The following KCNT2 variants were observed in gnomAD, a reference collection of about 807,000 sequenced individuals.
KCNT2 encodes potassium sodium-activated channel subfamily T member 2, also known as potassium channel subfamily T member 2.
Under a neutral mutation model 153.8 loss-of-function variants are expected in KCNT2, and 67 were observed. That is an observed-to-expected ratio of 0.44 (90% CI 0.36 to 0.53). The LOEUF (loss-of-function observed/expected upper bound fraction) is 0.53, where lower values mean the gene tolerates loss of function less well. KCNT2 is among the 20% of genes least tolerant of loss of function. The pLI, the probability that KCNT2 is intolerant of heterozygous loss-of-function variation, is 0.00. For synonymous variants in KCNT2, 500 were observed against 458.8 expected (o/e 1.09, Z -1.15); for missense variants, 975 against 1,354.8 (o/e 0.72, Z 4.40).
intron 21 of KCNT2, among the ~76,000 whole-genome samples, chr1:196,307,118 A>G (rs973986222): frequency 2.0e-5 from 3 of 152,100 alleles, no homozygotes; most frequent in Admixed American, 6.6e-5. Flanking sequence ...AACTTTTTCA[A>G]TAGTTCTGTG....
Position 196,461,697 on chromosome 1 carries a change from G to A in KCNT2, c.638+3596C>T, listed in dbSNP as rs1677167054. Reference sequence around the variant, plus strand: ...ATCACAATTCCCAGCTGTCTTGGAAGTGTGTATTATTGATGAAGAGGGGTA... The same window carrying A: ...ATCACAATTCCCAGCTGTCTTGGAAATGTGTATTATTGATGAAGAGGGGTA... On this transcript the variant is annotated intron_variant, in intron 8 of 27. Transcript: ENST00000294725. 5.9e-5 allele frequency among the ~76,000 whole-genome samples: 9 copies of A among 151,690 alleles called. No homozygotes were observed. The Admixed American group carries it at 5.9e-4, about 10-fold the overall frequency.
At chr1:196,354,180 C>T (rs1343664716) in intron 14 of KCNT2, among the ~76,000 whole-genome samples, 1 of 151,556 alleles carries the variant, frequency 6.6e-6, no homozygotes, top group Non-Finnish European at 1.5e-5. Context: ...AAAGAAAAGC[C>T]TTGGTGTTAT....
At chr1:196,481,449 A>G (rs1679016336) in intron 4 of KCNT2, among the ~76,000 whole-genome samples, 1 of 152,348 alleles carries the variant, frequency 6.6e-6, no homozygotes, top group Admixed American at 6.5e-5. Context: ...CTTGTACCCC[A>G]TAAATGTATA....
chr1:196,592,919 A>T (rs1454328649), intron 1 of KCNT2, among the ~76,000 whole-genome samples: 1 of 150,306 alleles, frequency 6.7e-6, no homozygotes, highest in East Asian at 1.9e-4. Flanking sequence ...AAATTAATTT[A>T]ATAAAATAAT....
At chr1:196,262,634 A>C (rs1439943217) in intron 25 of KCNT2, among the ~76,000 whole-genome samples, 1 of 151,832 alleles carries the variant, frequency 6.6e-6, no homozygotes, top group Non-Finnish European at 1.5e-5. Context: ...TTTTTATTTA[A>C]AAAAAAATCT....
At chr1:196,464,813 T>C (rs533621759) in intron 8 of KCNT2, among the ~76,000 whole-genome samples, 1 of 152,114 alleles carries the variant, frequency 6.6e-6, no homozygotes, top group Non-Finnish European at 1.5e-5. Context: ...AAGTGCCAGG[T>C]CTTGCCTTGC....
intron 8 of KCNT2, among the ~76,000 whole-genome samples, chr1:196,456,045 T>G (rs1676642005): frequency 6.6e-6 from 1 of 152,012 alleles, no homozygotes; most frequent in Non-Finnish European, 1.5e-5. Context: ...TCTAGTAACT[T>G]TATTCTAGTC....
intron 1 of KCNT2, among the ~76,000 whole-genome samples, chr1:196,503,133 T>C (rs2335903): frequency 0.99 from 150,720 of 151,900 alleles, 74,785 homozygotes; most frequent in Middle Eastern, 1. Flanking sequence ...GTAAGGATTA[T>C]GTATCCTTAC....
chr1:196,364,223 T>C (rs1003255857), intron 14 of KCNT2, among the ~76,000 whole-genome samples: 1 of 152,202 alleles, frequency 6.6e-6, no homozygotes, highest in Non-Finnish European at 1.5e-5. Flanking sequence ...GGAAAGCGTA[T>C]GTGTGAACTC....
At chr1:196,246,461 C>T (rs867486012) in intron 26 of KCNT2, among the ~76,000 whole-genome samples, 1 of 152,068 alleles carries the variant, frequency 6.6e-6, no homozygotes, top group East Asian at 1.9e-4. Context: ...AGTAAATACA[C>T]ACACAAAAAT....
At chr1:196,472,698 CT>C (rs1436835016) in intron 5 of KCNT2, among the ~76,000 whole-genome samples, 1 of 152,138 alleles carries the variant, frequency 6.6e-6, no homozygotes, top group Non-Finnish European at 1.5e-5. Flanking sequence ...CTTGGAGAAA[CT>C]TTTTACATTT....
chr1:196,382,260 G>A (rs574341733), intron 13 of KCNT2, among the ~76,000 whole-genome samples: 16 of 140,732 alleles, frequency 1.1e-4, no homozygotes, highest in Admixed American at 9.6e-4. Flanking sequence ...CACCACACCC[G>A]GCTATTTTTT....
At chr1:196,360,796 G>GA (rs1667552779) in intron 14 of KCNT2, among the ~76,000 whole-genome samples, 1 of 151,958 alleles carries the variant, frequency 6.6e-6, no homozygotes, top group South Asian at 2.1e-4. Flanking sequence ...CAGAACTGTG[G>GA]AAAAAATAAA....
At chr1:196,252,479 T>A (rs1456646279) in intron 26 of KCNT2, among the ~76,000 whole-genome samples, 1 of 151,758 alleles carries the variant, frequency 6.6e-6, no homozygotes, top group Non-Finnish European at 1.5e-5. Context: ...TGAAATAATA[T>A]AATACCATTT....
chr1:196,303,370 G>A (rs1661361795), intron 22 of KCNT2, among the ~76,000 whole-genome samples: 1 of 152,130 alleles, frequency 6.6e-6, no homozygotes, highest in Non-Finnish European at 1.5e-5. Context: ...TGGATAAAGA[G>A]ATATATGTAA....
intron 3 of KCNT2, among the ~76,000 whole-genome samples, chr1:196,489,556 C>T (rs554597722): frequency 5.9e-5 from 9 of 151,970 alleles, no homozygotes; most frequent in East Asian, 3.9e-4. Flanking sequence ...AAGAGACTTA[C>T]CCATTTTAAA....
At chr1:196,272,902 G>C (rs1658202434) in intron 25 of KCNT2, among the ~76,000 whole-genome samples, 1 of 151,788 alleles carries the variant, frequency 6.6e-6, no homozygotes, top group Non-Finnish European at 1.5e-5. Context: ...GATACCTAAA[G>C]TACAGCATGG....
At chr1:196,514,702 C>T (rs544800079) in intron 1 of KCNT2, among the ~76,000 whole-genome samples, 1 of 152,148 alleles carries the variant, frequency 6.6e-6, no homozygotes, top group Admixed American at 6.6e-5. Flanking sequence ...ATACTTAAAT[C>T]ACCAGTATAT....
rs776733998 is a variant in KCNT2, at chr1:196,258,498, T to C, written c.2911-4A>G. On this transcript the variant is annotated splice_polypyrimidine_tract_variant and splice_region_variant and intron_variant, in intron 25 of 27. Transcript: ENST00000294725. ...CTACACTGATAGATATTTGAGACTTTAAAGGAAATAGATATTGATAATTAG... is the reference window on the plus strand; with the variant it reads ...CTACACTGATAGATATTTGAGACTTCAAAGGAAATAGATATTGATAATTAG... 7 of 1,487,078 alleles carry C rather than the reference T, an allele frequency of 4.7e-6. No homozygotes were observed. Among genetic ancestry groups the C allele is most frequent in the Admixed American group, 1.8e-5 (1 of 55,392 alleles). 92.1% of individuals were successfully genotyped at this position (1,487,078 alleles called of 1,614,324 possible). A position where few individuals can be genotyped will look rare whatever the true frequency, so the allele number is the denominator to read the frequency against.
Sources: allele counts gnomAD v4.1 joint callset (sites outside exome capture counted in the v4.1 genomes callset), GRCh38; gene constraint gnomAD v4.1.1; transcripts MANE v1.5; gene names NCBI Gene and HGNC (gene_info 2026-07-23, HGNC 2026-07-21).